PPP4R3A: variants seen among roughly 807,000 people sequenced by gnomAD.
The protein encoded by PPP4R3A is serine/threonine-protein phosphatase 4 regulatory subunit 3A.
In PPP4R3A, 15 loss-of-function variants were observed where a neutral mutation model predicts 91.7. The ratio of observed to expected loss-of-function variants is 0.16; its 90% CI spans 0.11 to 0.25. PPP4R3A has a LOEUF of 0.25. Ranked by LOEUF, PPP4R3A falls within the 10% of genes least tolerant of loss-of-function variation. The pLI is 1.00. For synonymous variants in PPP4R3A, 377 were observed against 348.7 expected (o/e 1.08, Z -0.91); for missense variants, 623 against 998.4 (o/e 0.62, Z 5.07).
chr14:91,484,914 T>C (rs945479100), intron 3 of PPP4R3A, among the ~76,000 whole-genome samples: 3 of 152,100 alleles, frequency 2.0e-5, no homozygotes, highest in Non-Finnish European at 2.9e-5. Flanking sequence ...CAAAAGATTG[T>C]GATTATGTCA....
Position 91,481,788 on chromosome 14 carries a change from T to C in PPP4R3A, c.703A>G (p.Lys235Glu). The C allele has an allele frequency of 6.2e-7, 1 of 1,614,080 alleles. No homozygotes were observed. The highest frequency in any genetic ancestry group is 8.5e-7 in the Non-Finnish European group (1 of 1,180,020). ...GTTTTTGTTAGAAATTCCCTGTGTT[T>C]TCGTGGTTGTGATAAAGCAGGATCA... ...EYDPALSQPR[K>E]HREFLTKTAK... The change falls in exon 4 of 15, where the codon AAA becomes GAA. Residue 235 changes from lysine to glutamate, a missense_variant. Physicochemically the swap from Lys to Glu is moderately conservative, Grantham distance 56 (BLOSUM62 1). Around this residue, in one of 5 missense-constraint regions of PPP4R3A, gnomAD observed 264 missense variants for 377.3 expected, o/e 0.70. Coordinates refer to ENST00000554943, the MANE Select transcript of PPP4R3A (RefSeq NM_001366432.2).
chr14:91,475,969 G>A lies in PPP4R3A; in HGVS notation c.1111-3C>T, dbSNP rs569166485. The A allele has an allele frequency of 1.3e-6, 2 of 1,503,886 alleles. No individual in the cohort carries two copies. The highest frequency in any genetic ancestry group is 1.3e-5 in the South Asian group (1 of 76,268). The allele number at this position is 1,503,886 out of a possible 1,614,324, so 93.2% of individuals were successfully genotyped here. A position where few individuals can be genotyped will look rare whatever the true frequency, so the allele number is the denominator to read the frequency against. ...CGCACCTGTGTATCATCCATGCCCT[G>A]CAGACAAAAAACATTTATTTTTCCT... On this transcript the variant is annotated splice_region_variant and splice_polypyrimidine_tract_variant and intron_variant, in intron 6 of 14. Coordinates refer to ENST00000554943, the MANE Select transcript of PPP4R3A (RefSeq NM_001366432.2).
At chr14:91,493,312 CAA>C (rs59007966) in intron 1 of PPP4R3A, among the ~76,000 whole-genome samples, 19 of 136,272 alleles carry the variant, frequency 1.4e-4, no homozygotes, top group Admixed American at 3.6e-4. Context: ...GACTCTGCCT[CAA>C]AAAAAAAAAA....
intron 1 of PPP4R3A, among the ~76,000 whole-genome samples, chr14:91,495,433 G>T (rs547898125): frequency 6.6e-6 from 1 of 151,830 alleles, no homozygotes. Context: ...TCCTGCCTCA[G>T]CCACCTGAGT....
At chr14:91,459,829 T>C (rs1175323616) in intron 14 of PPP4R3A, among the ~76,000 whole-genome samples, 14 of 104,540 alleles carry the variant, frequency 1.3e-4, no homozygotes, top group Admixed American at 5.5e-4. Context: ...ACTGAGACTC[T>C]GTCAAAAAAA....
intron 2 of PPP4R3A, among the ~76,000 whole-genome samples, chr14:91,488,461 G>A (rs2140129256): frequency 6.6e-6 from 1 of 152,208 alleles, no homozygotes; most frequent in Middle Eastern, 3.4e-3. Context: ...CACCAGGCAG[G>A]CAATCTGATC....
chr14:91,479,016 T>C (rs1257751114), intron 4 of PPP4R3A, among the ~76,000 whole-genome samples: 1 of 152,184 alleles, frequency 6.6e-6, no homozygotes, highest in African/African-American at 2.4e-5. Flanking sequence ...CAGGTGCAAA[T>C]GATTCTCCTG....
At position 91,476,507 on chromosome 14, in the gene PPP4R3A, T is replaced by C. The variant is rs770536189; in HGVS notation, c.1011A>G (p.Glu337=). The change falls in exon 6 of 15, where the codon GAA becomes GAG. Residue 337 remains glutamate, a synonymous_variant. Coordinates refer to ENST00000554943, the MANE Select transcript of PPP4R3A (RefSeq NM_001366432.2). ...GTAGCGTTTGGGAAAACGCACAAAA[T>C]TCTTTTAAAAAGTTAACCTGAAATT... ...KRQELVNFLK[E]FCAFSQTLQP... is the part of the protein sequence containing the mutation. The C allele has an allele frequency of 3.1e-6, 5 of 1,593,296 alleles. No homozygotes were observed. Among genetic ancestry groups the C allele is most frequent in the African/African-American group, 1.4e-5 (1 of 73,644 alleles).
intron 1 of PPP4R3A, among the ~76,000 whole-genome samples, chr14:91,495,934 AAC>A (rs35119396): frequency 1.3e-5 from 2 of 151,554 alleles, no homozygotes; most frequent in East Asian, 1.9e-4. Context: ...AACAAAACAA[AAC>A]ACACACACAC....
chr14:91,476,281 T>G (rs1429650977), intron 6 of PPP4R3A, 127 bp downstream of exon 6: 1 of 799,012 alleles, frequency 1.3e-6, no homozygotes, highest in Non-Finnish European at 2.0e-6. Flanking sequence ...TTACAGCTTC[T>G]TTAACTTAAT....
Position 91,470,728 on chromosome 14 carries a change from C to T in PPP4R3A, c.1660+109G>A, listed in dbSNP as rs1030915957. 23 of 1,257,298 alleles carry T rather than the reference C, an allele frequency of 1.8e-5. No individual in the cohort carries two copies. The Admixed American group carries it at 2.0e-4, about 11-fold the overall frequency. The allele number at this position is 1,257,298 out of a possible 1,614,324, so 77.9% of individuals were successfully genotyped here. ...ATAATCAGTGGCAGAGCTAGTATTA[C>T]GACCTAGATCTCCTGACCTGTAATC... On this transcript the variant is annotated intron_variant, in intron 10 of 14. Coordinates refer to ENST00000554943, the MANE Select transcript of PPP4R3A (RefSeq NM_001366432.2).
chr14:91,471,816 C>A (rs1888854259), intron 9 of PPP4R3A, among the ~76,000 whole-genome samples: 1 of 152,148 alleles, frequency 6.6e-6, no homozygotes, highest in Admixed American at 6.5e-5. Context: ...ATAATCCCAG[C>A]ACTTTGGGAG....
At chr14:91,507,435 T>C (rs1394667281) in intron 1 of PPP4R3A, among the ~76,000 whole-genome samples, 1 of 124,764 alleles carries the variant, frequency 8.0e-6, no homozygotes, top group Non-Finnish European at 1.6e-5. Context: ...TATACTATAA[T>C]TATATATACT....
At chr14:91,498,792 T>C (rs1019268951) in intron 1 of PPP4R3A, among the ~76,000 whole-genome samples, 3 of 151,738 alleles carry the variant, frequency 2.0e-5, no homozygotes, top group African/African-American at 7.3e-5. Context: ...TGGGCGCCTG[T>C]AGTCCCAGCC....
chr14:91,507,153 T>C (rs1891346850), intron 1 of PPP4R3A, among the ~76,000 whole-genome samples: 1 of 151,366 alleles, frequency 6.6e-6, no homozygotes. Context: ...ACCCCGTCTC[T>C]ACTAAAAATA....
chr14:91,463,600 A>C (rs948370917), intron 11 of PPP4R3A, among the ~76,000 whole-genome samples: 7 of 151,780 alleles, frequency 4.6e-5, no homozygotes, highest in African/African-American at 1.7e-4. Flanking sequence ...TACGGGGCTA[A>C]GTTTTAACAA....
rs1888230749 is a variant in PPP4R3A, at chr14:91,462,633, T to C, written c.1973+102A>G. The C allele has an allele frequency of 2.3e-6, 3 of 1,304,948 alleles. No homozygotes were observed. The Admixed American group carries it at 5.7e-5, about 25-fold the overall frequency. 80.8% of individuals were successfully genotyped at this position (1,304,948 alleles called of 1,614,324 possible). On this transcript the variant is annotated intron_variant, in intron 12 of 14. Transcript: ENST00000554943. ...ACAATTTCTATTTGCTATCTGCTGA[T>C]TTCCCTGTTCCTTGTCAAGCCAAAT...
chr14:91,490,807 G>T lies in PPP4R3A; in HGVS notation c.143-5C>A. On this transcript the variant is annotated splice_polypyrimidine_tract_variant and splice_region_variant and intron_variant, in intron 1 of 14. Coordinates refer to ENST00000554943, the MANE Select transcript of PPP4R3A (RefSeq NM_001366432.2). The stretch of plus-strand genomic sequence containing the variant: ...TCGACTCTAAAAGTAGAGAACCTAG[G>T]AAACAGAAAAAGACATTCCATTATG... The T allele has an allele frequency of 6.2e-7, 1 of 1,601,296 alleles. No homozygotes were observed. The highest frequency in any genetic ancestry group is 1.1e-5 in the South Asian group (1 of 89,412).
intron 1 of PPP4R3A, among the ~76,000 whole-genome samples, chr14:91,507,415 A>ATAGTTATATATAC (rs1566660326): frequency 7.4e-4 from 75 of 101,416 alleles, no homozygotes; most frequent in Non-Finnish European, 1.2e-3. Flanking sequence ...TATATATACT[A>ATAGTTATATATAC]TATAATATAT....
Sources: allele counts gnomAD v4.1 joint callset (sites outside exome capture counted in the v4.1 genomes callset), GRCh38; gene constraint gnomAD v4.1.1; regional missense constraint gnomAD v4.1.1; transcripts MANE v1.5; gene names NCBI Gene and HGNC (gene_info 2026-07-23, HGNC 2026-07-21).